The following SULT1E1 variants were observed in gnomAD, a reference collection of about 807,000 sequenced individuals.
SULT1E1 encodes the protein sulfotransferase 1E1.
A neutral mutation model predicts 33.6 loss-of-function variants in SULT1E1; 36 were observed. That is an observed-to-expected ratio of 1.07 (90% CI 0.82 to 1.41). The LOEUF is 1.41. Among genes scored for constraint, SULT1E1 ranks in the 40% most tolerant of loss-of-function variants. The pLI, the probability that SULT1E1 is intolerant of heterozygous loss-of-function variation, is 0.00. For missense variants in SULT1E1, 371 were observed against 345.7 expected (o/e 1.07, Z -0.58); for synonymous variants, 121 against 111.7 (o/e 1.08, Z -0.53).
Position 69,857,553 on chromosome 4 carries a change from T to C in SULT1E1, c.92A>G (p.Glu31Gly), listed in dbSNP as rs1462302523. ...ATCATCTGGTCTTGCCTGGAACGCT[T>C]CCACATTATCCCAATATTTGACAAA... ...KDFVKYWDNV[E>G]AFQARPDDLV... is the part of the protein sequence containing the mutation. Residue 31 changes from glutamate (E) to glycine (G), a missense_variant, in exon 2 of 8, where the codon GAA becomes GGA. Glu to Gly is a moderately conservative substitution (Grantham distance 98). Coordinates refer to ENST00000226444, the MANE Select transcript of SULT1E1 (RefSeq NM_005420.3). 2.5e-6 allele frequency: 4 copies of C among 1,613,292 alleles called. No individual in the cohort carries two copies. The highest frequency in any genetic ancestry group is 2.5e-6 in the Non-Finnish European group (3 of 1,179,784).
chr4:69,824,688 A>G, the SULT1E1 span, among the ~76,000 whole-genome samples: 1 of 152,120 alleles, frequency 6.6e-6, no homozygotes, highest in African/African-American at 2.4e-5. Context: ...AAATGCACCA[A>G]TCAGCACTCT....
In SULT1E1 at chr4:69,849,427, C is replaced by T; in HGVS notation, c.496+10G>A. 1.2e-6 allele frequency: 2 copies of T among 1,607,534 alleles called. No homozygotes were observed. The highest frequency in any genetic ancestry group is 1.7e-4 in the Middle Eastern group (1 of 6,024). ...TGAAAAAAAATTCAGTGTAAAGAAG[C>T]TGTTCCTACCCTGTCCTTGCATGAA... On this transcript the variant is annotated intron_variant, in intron 5 of 7. Coordinates refer to ENST00000226444, the MANE Select transcript of SULT1E1 (RefSeq NM_005420.3).
At chr4:69,857,062 AG>A (rs1478555213) in intron 2 of SULT1E1, among the ~76,000 whole-genome samples, 1 of 152,132 alleles carries the variant, frequency 6.6e-6, no homozygotes, top group Non-Finnish European at 1.5e-5. Flanking sequence ...AATTTCTAAA[AG>A]TCTACAGTTG....
Position 69,854,241 on chromosome 4 carries a change from G to A in SULT1E1, c.345C>T (p.Ala115=). The A allele has an allele frequency of 3.1e-6, 5 of 1,611,880 alleles. No individual in the cohort carries two copies. Among genetic ancestry groups the A allele is most frequent in the Non-Finnish European group, 4.2e-6 (5 of 1,178,602 alleles). The part of the protein sequence containing the change: ...KTHLPPELLP[A]SFWEKDCKII... ...CCTTACAATCCTTTTCCCAAAATGA[G>A]GCAGGAAGAAGTTCAGGTGGCAAAT... The change falls in exon 4 of 8, where the codon GCC becomes GCT. Residue 115 remains alanine, a synonymous_variant. Coordinates refer to ENST00000226444, the MANE Select transcript of SULT1E1 (RefSeq NM_005420.3).
At chr4:69,849,373 T>C (rs1457326442) in intron 5 of SULT1E1, 64 bp downstream of exon 5, 2 of 1,569,832 alleles carry the variant, frequency 1.3e-6, no homozygotes, top group South Asian at 1.2e-5. Flanking sequence ...AAACTTTTAC[T>C]TGGAGATGGC....
chr4:69,823,461 C>G, the SULT1E1 span, among the ~76,000 whole-genome samples: 1 of 152,108 alleles, frequency 6.6e-6, no homozygotes, highest in Non-Finnish European at 1.5e-5. Context: ...AAGGCTTCCT[C>G]TTTAGAAGGT....
chr4:69,839,875 G>A (rs1720849820), downstream of SULT1E1, among the ~76,000 whole-genome samples: 1 of 152,210 alleles, frequency 6.6e-6, no homozygotes, highest in African/African-American at 2.4e-5. Flanking sequence ...GCTTTGGAAA[G>A]ATATAGTTGG....
the SULT1E1 span, among the ~76,000 whole-genome samples, chr4:69,827,695 C>A: frequency 6.6e-6 from 1 of 152,156 alleles, no homozygotes; most frequent in Non-Finnish European, 1.5e-5. Context: ...TTAAACCTGG[C>A]AACCTCGGTG....
At chr4:69,836,581 C>T (rs970427802), downstream of SULT1E1, among the ~76,000 whole-genome samples, 2 of 152,120 alleles carry the variant, frequency 1.3e-5, no homozygotes, top group South Asian at 4.1e-4. Flanking sequence ...GAAAACAGTT[C>T]CCAGTGAAAG....
intron 6 of SULT1E1, among the ~76,000 whole-genome samples, chr4:69,846,413 A>G (rs952283253): frequency 2.4e-4 from 36 of 150,812 alleles, no homozygotes; most frequent in Non-Finnish European, 4.5e-4. Context: ...TAGACAACAT[A>G]TAGTTTGATT....
At chr4:69,851,818 T>G (rs895837848) in intron 4 of SULT1E1, among the ~76,000 whole-genome samples, 1 of 152,184 alleles carries the variant, frequency 6.6e-6, no homozygotes, top group Non-Finnish European at 1.5e-5. Flanking sequence ...GTTCATGTCC[T>G]TTGTAGGGAC....
the SULT1E1 span, among the ~76,000 whole-genome samples, chr4:69,823,977 C>T: frequency 7.9e-5 from 12 of 152,144 alleles, no homozygotes; most frequent in South Asian, 2.1e-4. Context: ...CACATCCACA[C>T]GGCAATGAAG....
chr4:69,842,572 G>A (rs937192437), intron 7 of SULT1E1, among the ~76,000 whole-genome samples: 1 of 152,142 alleles, frequency 6.6e-6, no homozygotes, highest in Non-Finnish European at 1.5e-5. Context: ...TTAGCATATT[G>A]TGTTTTCTCC....
the SULT1E1 span, among the ~76,000 whole-genome samples, chr4:69,834,734 A>G: frequency 6.6e-6 from 1 of 152,208 alleles, no homozygotes; most frequent in African/African-American, 2.4e-5. Flanking sequence ...GTATAGAAGG[A>G]AAAAGAGCAG....
chr4:69,852,073 T>C (rs932721589), intron 4 of SULT1E1, among the ~76,000 whole-genome samples: 1 of 152,102 alleles, frequency 6.6e-6, no homozygotes, highest in Non-Finnish European at 1.5e-5. Context: ...TGTATACATA[T>C]GTAACAAACC....
the SULT1E1 span, among the ~76,000 whole-genome samples, chr4:69,835,287 C>A: frequency 6.6e-6 from 1 of 152,134 alleles, no homozygotes; most frequent in Non-Finnish European, 1.5e-5. Context: ...ATGCATATGA[C>A]TAATATTAGA....
At chr4:69,851,664 C>A (rs1240238463) in intron 4 of SULT1E1, among the ~76,000 whole-genome samples, 1 of 152,154 alleles carries the variant, frequency 6.6e-6, no homozygotes, top group Non-Finnish European at 1.5e-5. Context: ...ACTATAAAGA[C>A]ACATGAACAC....
the SULT1E1 span, among the ~76,000 whole-genome samples, chr4:69,822,538 C>A: frequency 6.6e-6 from 1 of 152,090 alleles, no homozygotes; most frequent in African/African-American, 2.4e-5. Flanking sequence ...ATCATTTGAG[C>A]GTAGAAGTTT....
the SULT1E1 span, among the ~76,000 whole-genome samples, chr4:69,827,751 A>G: frequency 2.0e-5 from 3 of 152,170 alleles, no homozygotes; most frequent in African/African-American, 7.2e-5. Flanking sequence ...GAAAAGCGAG[A>G]TCAGAGAAAG....
Sources: gnomAD v4.1 joint callset for allele counts (sites outside exome capture counted in the v4.1 genomes callset) on GRCh38, gnomAD v4.1.1 for gene constraint, MANE v1.5 for transcripts, NCBI Gene and HGNC (gene_info 2026-07-23, HGNC 2026-07-21) for gene names.